Variants in NKTR observed in about 807,000 individuals in gnomAD.
The protein encoded by NKTR is NK-tumor recognition protein.
NKTR carries 67 observed loss-of-function variants against 156.3 expected under a neutral mutation model. The ratio of observed to expected loss-of-function variants is 0.43; its 90% confidence interval spans 0.35 to 0.53. The LOEUF is 0.53. Among genes scored for constraint, NKTR ranks in the 20% least tolerant of loss-of-function variants. NKTR has a pLI of 0.01. For synonymous variants in NKTR, 640 were observed against 596.6 expected, an observed-to-expected ratio of 1.07 and a Z score of -1.06; for missense variants, 1,604 against 1,730.9, an observed-to-expected ratio of 0.93 and a Z score of 1.30.
chr3:42,645,514 G>A (rs1052259239), intron 16 of NKTR, among the ~76,000 whole-genome samples: 3 of 151,970 alleles, frequency 2.0e-5, no homozygotes, highest in East Asian at 1.9e-4. Context: ...GTGAAACCCC[G>A]TCTCTACTAA....
At chr3:42,616,828 T>C (rs2125778469) in intron 2 of NKTR, among the ~76,000 whole-genome samples, 1 of 152,308 alleles carries the variant, frequency 6.6e-6, no homozygotes, top group Admixed American at 6.5e-5. Context: ...TGCATGATCA[T>C]AGCTCATTGC....
intron 2 of NKTR, among the ~76,000 whole-genome samples, chr3:42,609,538 T>C (rs924584738): frequency 2.6e-5 from 4 of 152,218 alleles, no homozygotes; most frequent in Non-Finnish European, 5.9e-5. Flanking sequence ...GAAGGGGAAT[T>C]GCACATTTAT....
intron 15 of NKTR, 151 bp downstream of exon 15, chr3:42,643,546 A>C: frequency 1.5e-6 from 1 of 673,456 alleles, no homozygotes; most frequent in Non-Finnish European, 2.6e-6. Context: ...TCTGTTCGAC[A>C]AGTTTTATCT....
At chr3:42,607,946 C>A (rs1490189012) in intron 2 of NKTR, among the ~76,000 whole-genome samples, 1 of 133,150 alleles carries the variant, frequency 7.5e-6, no homozygotes, top group Non-Finnish European at 1.6e-5. Context: ...TGCGGGCATG[C>A]CAATCGCAAG....
At chr3:42,617,496 C>T in intron 2 of NKTR, 74 bp from the exon 3 acceptor site, 5 of 747,710 alleles carry the variant, frequency 6.7e-6, no homozygotes, top group South Asian at 1.6e-5. Context: ...ATTTGTTAGC[C>T]CTGTTTCTTT....
intron 2 of NKTR, among the ~76,000 whole-genome samples, chr3:42,613,963 A>G (rs150653558): frequency 6.6e-6 from 1 of 152,330 alleles, no homozygotes; most frequent in African/African-American, 2.4e-5. Flanking sequence ...ATCTATTGGC[A>G]TAACATTAAT....
At chr3:42,642,642 C>G in intron 14 of NKTR, 46 bp downstream of exon 14, 1 of 1,334,250 alleles carries the variant, frequency 7.5e-7, no homozygotes, top group South Asian at 1.2e-5. Context: ...ATCATGTCCA[C>G]TTTTTAAGGC....
intron 6 of NKTR, among the ~76,000 whole-genome samples, chr3:42,625,908 T>C (rs1577504512): frequency 6.6e-6 from 1 of 152,292 alleles, no homozygotes; most frequent in Non-Finnish European, 1.5e-5. Context: ...GTGTGTATTA[T>C]CTTAACATTA....
At chr3:42,642,441 A>T in intron 13 of NKTR, 60 bp from the exon 14 acceptor site, 1 of 1,300,482 alleles carries the variant, frequency 7.7e-7, no homozygotes, top group East Asian at 2.3e-5. Flanking sequence ...ACCAGTAATT[A>T]ATTTTAATAT....
intron 6 of NKTR, chr3:42,627,654 G>T (rs1708515158): frequency 1.0e-6 from 1 of 984,416 alleles, no homozygotes; most frequent in South Asian, 4.7e-5. Context: ...AGATTCAGGG[G>T]TCGGGAAAAC....
chr3:42,629,740 C>T, intron 6 of NKTR: 2 of 985,136 alleles, frequency 2.0e-6, no homozygotes, highest in Non-Finnish European at 2.4e-6. Context: ...ATGTGAAGAT[C>T]TGTGAAAATG....
intron 5 of NKTR, chr3:42,620,065 A>G: frequency 6.5e-7 from 1 of 1,534,232 alleles, no homozygotes. Flanking sequence ...AAGCTCAGTA[A>G]CACAAACTCC....
At chr3:42,635,963 C>G (rs554215708) in intron 12 of NKTR, among the ~76,000 whole-genome samples, 1 of 152,222 alleles carries the variant, frequency 6.6e-6, no homozygotes, top group African/African-American at 2.4e-5. Context: ...TCTTTCCTAG[C>G]CAGCCAGGTC....
chr3:42,641,021 G>T (rs1709843616), intron 13 of NKTR, among the ~76,000 whole-genome samples: 1 of 152,170 alleles, frequency 6.6e-6, no homozygotes, highest in African/African-American at 2.4e-5. Context: ...GGAGTGGGTG[G>T]TATTTCAGTT....
chr3:42,632,777 A>C lies in NKTR; in HGVS notation c.727A>C (p.Ser243Arg). The change falls in exon 9 of 17, where the codon AGC becomes CGC. Residue 243 changes from serine to arginine, a missense_variant. Around this residue, in one of 6 missense-constraint regions of NKTR, gnomAD observed 1,255 missense variants for 1,243.7 expected, o/e 1.01. Coordinates refer to ENST00000232978, the MANE Select transcript of NKTR (RefSeq NM_005385.4). The stretch of plus-strand genomic sequence containing the variant: ...TTCTAAAAAGAGGCGAAAGGAAGCA[A>C]GCAGTTCAGAAGAGCCAAGGAATAA... ...KRSKKRRKEA[S>R]SSEEPRNKHA... 6.2e-7 allele frequency: 1 copy of C among 1,612,558 alleles called. No individual in the cohort carries two copies.
chr3:42,645,972 T>C lies in NKTR; in HGVS notation c.4386T>C (p.Ser1462=). 6.2e-7 allele frequency: 1 copy of C among 1,610,450 alleles called. No individual in the cohort carries two copies. Among genetic ancestry groups the C allele is most frequent in the Non-Finnish European group, 8.5e-7 (1 of 1,176,962 alleles). The change falls in exon 17 of 17, where the codon AGT becomes AGC. Residue 1462 remains serine, a synonymous_variant. Coordinates refer to ENST00000232978, the MANE Select transcript of NKTR (RefSeq NM_005385.4). ...HRSPSESSRY[S] The stretch of plus-strand genomic sequence containing the variant: ...GCCCCAGTGAGAGCAGCAGATACAG[T>C]TGAAAACGTCCGGATACAAATTATA...
Position 42,608,249 on chromosome 3 carries a change from C to G in NKTR, c.58+7185C>G, listed in dbSNP as rs114556603. ...CAGGTAATCCACCCACCTCGGCCTC[C>G]GTGAGCCACTGCGCCTGGCTTCTGA... On this transcript the variant is annotated intron_variant, in intron 2 of 16. Transcript: ENST00000232978. 3.9e-5 allele frequency among the ~76,000 whole-genome samples: 6 copies of G among 152,064 alleles called. No individual in the cohort carries two copies. The South Asian group carries it at 6.2e-4, about 16-fold the overall frequency.
At chr3:42,624,926 T>C (rs1300836247) in intron 6 of NKTR, among the ~76,000 whole-genome samples, 1 of 152,180 alleles carries the variant, frequency 6.6e-6, no homozygotes, top group East Asian at 1.9e-4. Flanking sequence ...GTAAATAGTT[T>C]ATAGCTTTGT....
In NKTR at chr3:42,639,746, T is replaced by C. The variant is rs887785034; in HGVS notation, c.4042T>C (p.Tyr1348His). The C allele has an allele frequency of 1.9e-6, 3 of 1,596,316 alleles. No individual in the cohort carries two copies. The highest frequency in any genetic ancestry group is 3.3e-4 in the Middle Eastern group (2 of 5,980). The change falls in exon 13 of 17, where the codon TAT becomes CAT. Residue 1348 changes from tyrosine to histidine, a missense_variant. Physicochemically the swap from Tyr to His is moderately conservative, Grantham distance 83. Coordinates refer to ENST00000232978, the MANE Select transcript of NKTR (RefSeq NM_005385.4). ...TCGATCGAGAAGTTCCACATCATCT[T>C]ATCGGTGAGCAATATTCTCTTTCCT... ...RSRSRSSTSS[Y>H]RSRSYSRSRS...
Sources: gnomAD v4.1 joint callset for allele counts (sites outside exome capture counted in the v4.1 genomes callset) on GRCh38, gnomAD v4.1.1 for gene constraint, gnomAD v4.1.1 regional missense constraint, MANE v1.5 for transcripts, NCBI Gene and HGNC (gene_info 2026-07-23, HGNC 2026-07-21) for gene names.